SOX5: variants seen among roughly 807,000 people sequenced by gnomAD.
SOX5 encodes the protein SRY-box transcription factor 5, also known as transcription factor SOX-5.
Under a neutral mutation model 92.0 loss-of-function variants are expected in SOX5, and 9 were observed. The ratio of observed to expected loss-of-function variants is 0.10; its 90% CI spans 0.06 to 0.17. SOX5 has a LOEUF of 0.17. SOX5 is among the 10% of genes least tolerant of loss of function. The pLI is 1.00. For missense variants in SOX5, 642 were observed against 944.5 expected (o/e 0.68, Z 4.20); for synonymous variants, 344 against 336.3 (o/e 1.02, Z -0.25).
intron 1 of SOX5, among the ~76,000 whole-genome samples, chr12:24,527,646 A>C (rs1428605508): frequency 6.6e-6 from 1 of 152,196 alleles, no homozygotes; most frequent in African/African-American, 2.4e-5. Context: ...GTATTGCTTC[A>C]CATAATCAAA....
At chr12:24,102,129 C>T (rs1946162024) in intron 4 of SOX5, among the ~76,000 whole-genome samples, 1 of 152,120 alleles carries the variant, frequency 6.6e-6, no homozygotes, top group Admixed American at 6.5e-5. Flanking sequence ...ATTAGTCAGG[C>T]ACAGTTAGTA....
intron 1 of SOX5, among the ~76,000 whole-genome samples, chr12:24,539,317 G>A (rs1951912324): frequency 6.6e-6 from 1 of 152,124 alleles, no homozygotes; most frequent in African/African-American, 2.4e-5. Flanking sequence ...AACACAGGTA[G>A]TTAACCAGGG....
chr12:23,826,955 T>C (rs144944880), intron 3 of SOX5, among the ~76,000 whole-genome samples: 13 of 152,350 alleles, frequency 8.5e-5, no homozygotes, highest in South Asian at 2.1e-4. Flanking sequence ...AGGAGCACTG[T>C]CCTGCTATAA....
At chr12:23,791,654 C>T (rs1002195655) in intron 3 of SOX5, among the ~76,000 whole-genome samples, 2 of 151,972 alleles carry the variant, frequency 1.3e-5, no homozygotes, top group African/African-American at 2.4e-5. Context: ...ATTAGACTAC[C>T]ACTTTAACCA....
chr12:23,862,191 T>A (rs1293741216), intron 2 of SOX5, among the ~76,000 whole-genome samples: 5 of 152,160 alleles, frequency 3.3e-5, no homozygotes, highest in Non-Finnish European at 7.4e-5. Context: ...GCAAATGACA[T>A]AATATGAAGA....
rs76238099 is a variant in SOX5 at position 24,013,329 on chromosome 12, C to T, written c.-1-117305G>A. Among the ~76,000 whole-genome samples, 1,096 of 152,202 alleles carry T rather than the reference C, an allele frequency of 7.2e-3. 21 individuals are homozygous for T. The highest frequency in any genetic ancestry group is 0.071 in the South Asian group (340 of 4,816). On this transcript the variant is annotated intron_variant, in intron 4 of 4. Coordinates refer to the SOX5 transcript ENST00000446891. ...CCTGTATATTTACGAAACTTACTTT[C>T]TTCATAATAAAAAAGAGGTATTGAG...
intron 1 of SOX5, among the ~76,000 whole-genome samples, chr12:24,546,019 A>G (rs1419518823): frequency 2.0e-5 from 3 of 152,214 alleles, no homozygotes; most frequent in African/African-American, 7.2e-5. Flanking sequence ...AACTCACTGC[A>G]TGCAAATCTA....
At chr12:24,276,312 A>G (rs1413536433) in intron 3 of SOX5, among the ~76,000 whole-genome samples, 1 of 152,142 alleles carries the variant, frequency 6.6e-6, no homozygotes, top group Admixed American at 6.6e-5. Context: ...TTTTTAAAAG[A>G]GGTAACCACT....
chr12:24,319,862 C>G (rs919972659), intron 2 of SOX5, among the ~76,000 whole-genome samples: 1 of 152,224 alleles, frequency 6.6e-6, no homozygotes, highest in African/African-American at 2.4e-5. Context: ...ATCCCTCAAA[C>G]CTCACTCAAA....
intron 3 of SOX5, among the ~76,000 whole-genome samples, chr12:24,265,620 T>C (rs1272060954): frequency 6.6e-6 from 1 of 152,196 alleles, no homozygotes; most frequent in African/African-American, 2.4e-5. Context: ...GCATTTTTCT[T>C]AAAATGAAAG....
chr12:23,859,217 C>T (rs937748984), intron 2 of SOX5, among the ~76,000 whole-genome samples: 8 of 152,164 alleles, frequency 5.3e-5, no homozygotes, highest in Admixed American at 3.3e-4. Flanking sequence ...TTTTTCATCT[C>T]ACAGAGAGCC....
chr12:24,346,436 A>G (rs1595797361), intron 2 of SOX5, among the ~76,000 whole-genome samples: 2 of 151,688 alleles, frequency 1.3e-5, no homozygotes, highest in South Asian at 2.1e-4. Flanking sequence ...AGTTATCAAT[A>G]CTTTATTTTT....
At chr12:24,380,078 G>A (rs1175098087) in intron 1 of SOX5, among the ~76,000 whole-genome samples, 1 of 152,192 alleles carries the variant, frequency 6.6e-6, no homozygotes, top group East Asian at 1.9e-4. Context: ...CAGGAAGATT[G>A]ATTTGCATCA....
intron 2 of SOX5, among the ~76,000 whole-genome samples, chr12:23,847,453 T>C (rs1289449343): frequency 6.6e-6 from 1 of 152,174 alleles, no homozygotes; most frequent in African/African-American, 2.4e-5. Context: ...ATTTTTAAGG[T>C]TAATGCAATA....
At chr12:23,862,350 G>T (rs1281083498) in intron 2 of SOX5, among the ~76,000 whole-genome samples, 1 of 152,112 alleles carries the variant, frequency 6.6e-6, no homozygotes, top group Non-Finnish European at 1.5e-5. Flanking sequence ...GAAGAAATTT[G>T]TCTACTATTG....
chr12:24,033,982 A>G (rs553906445), intron 4 of SOX5, among the ~76,000 whole-genome samples: 1 of 152,158 alleles, frequency 6.6e-6, no homozygotes, highest in African/African-American at 2.4e-5. Context: ...GTCTATAATC[A>G]AAGTCTGTAA....
chr12:24,331,360 A>T (rs917634121), intron 2 of SOX5: 1 of 152,180 alleles, frequency 6.6e-6, no homozygotes, highest in East Asian at 1.9e-4. Context: ...CTTGAATAGG[A>T]TGGGCAGCCG....
At chr12:23,870,118 C>A (rs2096857492) in intron 2 of SOX5, among the ~76,000 whole-genome samples, 1 of 151,994 alleles carries the variant, frequency 6.6e-6, no homozygotes, top group African/African-American at 2.4e-5. Context: ...TACTGTTACT[C>A]AGAATGCCCC....
At chr12:23,581,338 G>A (rs1173731996) in intron 9 of SOX5, among the ~76,000 whole-genome samples, 1 of 152,026 alleles carries the variant, frequency 6.6e-6, no homozygotes, top group Non-Finnish European at 1.5e-5. Context: ...TACCAAGGAC[G>A]TGCAAATGAT....
Sources: gnomAD v4.1 joint callset for allele counts (sites outside exome capture counted in the v4.1 genomes callset) on GRCh38, gnomAD v4.1.1 for gene constraint, MANE v1.5 for transcripts, NCBI Gene and HGNC (gene_info 2026-07-23, HGNC 2026-07-21) for gene names.